CSMD2: variants seen among roughly 807,000 people sequenced by gnomAD.
CSMD2 encodes the protein CUB and sushi domain-containing protein 2.
CSMD2 carries 130 observed loss-of-function variants against 398.5 expected under a neutral mutation model. That is an observed-to-expected ratio of 0.33 (90% CI 0.28 to 0.38). The LOEUF (loss-of-function observed/expected upper bound fraction) is 0.38. CSMD2 is among the 10% of genes least tolerant of loss of function. The probability of loss-of-function intolerance (pLI) is 1.00; values close to 1 mark genes in which losing one functional copy is unlikely to be tolerated. For synonymous variants in CSMD2, 1,828 were observed against 1,908.5 expected, an observed-to-expected ratio of 0.96 and a Z score of 1.10; for missense variants, 3,829 against 4,764.9, an observed-to-expected ratio of 0.80 and a Z score of 5.78.
At chr1:33,989,077 TAAAC>T (rs1646465774) in intron 3 of CSMD2, among the ~76,000 whole-genome samples, 1 of 123,350 alleles carries the variant, frequency 8.1e-6, no homozygotes, top group Non-Finnish European at 1.7e-5. Flanking sequence ...TATGGATGCA[TAAAC>T]AAATTATAGT....
chr1:33,769,264 A>C (rs1003120773), intron 13 of CSMD2, among the ~76,000 whole-genome samples: 5 of 152,224 alleles, frequency 3.3e-5, no homozygotes, highest in Admixed American at 2.6e-4. Context: ...GCCTGGCCAA[A>C]GCTTTCCCAC....
At chr1:34,091,239 T>A (rs1658520037) in intron 1 of CSMD2, among the ~76,000 whole-genome samples, 1 of 152,226 alleles carries the variant, frequency 6.6e-6, no homozygotes, top group African/African-American at 2.4e-5. Flanking sequence ...TTTGAATCCA[T>A]GTCCCAAGCT....
chr1:33,612,689 T>G (rs1214971680), intron 40 of CSMD2, among the ~76,000 whole-genome samples: 1 of 151,756 alleles, frequency 6.6e-6, no homozygotes, highest in Non-Finnish European at 1.5e-5. Context: ...ATGGTTTTTT[T>G]TTTTTTTTTT....
At chr1:34,064,885 G>C (rs895363299) in intron 2 of CSMD2, among the ~76,000 whole-genome samples, 1 of 152,170 alleles carries the variant, frequency 6.6e-6, no homozygotes, top group Non-Finnish European at 1.5e-5. Context: ...TTCTTACATG[G>C]TGGCAACAAG....
At chr1:34,159,300 C>T (rs1483205272) in intron 1 of CSMD2, among the ~76,000 whole-genome samples, 2 of 150,676 alleles carry the variant, frequency 1.3e-5, no homozygotes, top group African/African-American at 2.5e-5. Flanking sequence ...GTGTTTGGGG[C>T]TAGAAACCAA....
At chr1:33,965,359 G>C (rs1404082423) in intron 3 of CSMD2, among the ~76,000 whole-genome samples, 1 of 152,120 alleles carries the variant, frequency 6.6e-6, no homozygotes, top group Non-Finnish European at 1.5e-5. Context: ...CTGAAATTAT[G>C]CAAGAGAACA....
intron 1 of CSMD2, among the ~76,000 whole-genome samples, chr1:34,096,027 C>A (rs539553401): frequency 5.5e-4 from 83 of 152,076 alleles, no homozygotes; most frequent in Non-Finnish European, 1.1e-3. Flanking sequence ...TACTGGCAAA[C>A]CGAATCCAGC....
intron 12 of CSMD2, among the ~76,000 whole-genome samples, chr1:33,778,723 G>T (rs1367287663): frequency 6.6e-6 from 1 of 152,190 alleles, no homozygotes; most frequent in Admixed American, 6.5e-5. Context: ...GGTCAGGTGG[G>T]TATGGAGATA....
chr1:33,544,201 G>A (rs1460892662), intron 57 of CSMD2, among the ~76,000 whole-genome samples: 1 of 150,866 alleles, frequency 6.6e-6, no homozygotes, highest in Non-Finnish European at 1.5e-5. Context: ...CCGCCTCCCG[G>A]GTTCATGCCA....
intron 64 of CSMD2, 74 bp from the exon 65 acceptor site, chr1:33,527,332 C>T (rs1654866482): frequency 7.9e-7 from 1 of 1,260,866 alleles, no homozygotes; most frequent in Non-Finnish European, 1.1e-6. Context: ...TAATGACCAC[C>T]TGTCTGACCT....
At chr1:33,713,528 C>G (rs892751533) in intron 21 of CSMD2, among the ~76,000 whole-genome samples, 9 of 152,172 alleles carry the variant, frequency 5.9e-5, no homozygotes, top group African/African-American at 2.2e-4. Context: ...GAGCCTCATA[C>G]ATTAGGGACA....
chr1:33,812,384 AG>A (rs1372224188), intron 9 of CSMD2, among the ~76,000 whole-genome samples: 3 of 152,240 alleles, frequency 2.0e-5, no homozygotes, highest in Admixed American at 1.3e-4. Context: ...CTGCACTGGA[AG>A]GATCTCCTCC....
rs1461224705 is a variant in CSMD2 at position 33,550,343 on chromosome 1, G to T, written c.8751C>A (p.Ser2917=). The change falls in exon 56 of 71, where the codon TCC becomes TCA. Residue 2917 remains serine (S), a synonymous_variant. Transcript: ENST00000373381. ...DRPRPQCLLV[S]CGHPGSPPHS... is the part of the protein sequence containing the mutation. Reference sequence around the variant, plus strand: ...GAGGCGGGGAGCCCGGATGGCCACAGGACACCACTGTGGGGGAAAAGCAAA... The same window carrying T: ...GAGGCGGGGAGCCCGGATGGCCACATGACACCACTGTGGGGGAAAAGCAAA... 1.2e-6 allele frequency: 2 copies of T among 1,613,546 alleles called. No homozygotes were observed. Among genetic ancestry groups the T allele is most frequent in the African/African-American group, 2.7e-5 (2 of 74,928 alleles).
chr1:33,662,385 C>A (rs369471744), intron 26 of CSMD2, among the ~76,000 whole-genome samples: 39 of 151,402 alleles, frequency 2.6e-4, no homozygotes, highest in African/African-American at 9.0e-4. Context: ...GGTAGCCCTC[C>A]ACTTCCAAAG....
intron 13 of CSMD2, among the ~76,000 whole-genome samples, chr1:33,748,120 C>T (rs1389674241): frequency 3.3e-5 from 5 of 152,140 alleles, no homozygotes; most frequent in Non-Finnish European, 7.3e-5. Flanking sequence ...AAAGCTCTGT[C>T]TTCCATCTCA....
intron 5 of CSMD2, among the ~76,000 whole-genome samples, chr1:33,872,398 G>A (rs1640540003): frequency 1.3e-5 from 2 of 152,190 alleles, no homozygotes. Context: ...AGCTGTGGGT[G>A]TGACTGTGGG....
At chr1:34,083,255 A>C (rs1007212876) in intron 2 of CSMD2, among the ~76,000 whole-genome samples, 2 of 152,220 alleles carry the variant, frequency 1.3e-5, no homozygotes, top group Non-Finnish European at 2.9e-5. Flanking sequence ...CTCATCTGAT[A>C]GAACCAGAGA....
Position 34,144,926 on chromosome 1 carries a change from G to T in CSMD2, c.187+19985C>A, listed in dbSNP as rs192565980. On this transcript the variant is annotated intron_variant, in intron 1 of 70. Transcript: ENST00000373381. ...CAGGCCAAATAAATGCCAAGTGTCT[G>T]CTTTGGGCTGGAACTATTCCCAATC... Among the ~76,000 whole-genome samples the T allele has an allele frequency of 1.1e-4, 17 of 152,370 alleles. No individual in the cohort carries two copies. The East Asian group carries it at 3.3e-3, about 29-fold the overall frequency.
intron 5 of CSMD2, among the ~76,000 whole-genome samples, chr1:33,910,820 G>T (rs1198894189): frequency 6.6e-6 from 1 of 152,180 alleles, no homozygotes; most frequent in Non-Finnish European, 1.5e-5. Flanking sequence ...AACATTATTT[G>T]CATACCTTGA....
Sources: gnomAD v4.1 joint callset for allele counts (sites outside exome capture counted in the v4.1 genomes callset) on GRCh38, gnomAD v4.1.1 for gene constraint, MANE v1.5 for transcripts, NCBI Gene and HGNC (gene_info 2026-07-23, HGNC 2026-07-21) for gene names.